Variants in C12orf42 observed in about 807,000 individuals in gnomAD.
C12orf42 encodes chromosome 12 open reading frame 42.
A neutral mutation model predicts 21.6 loss-of-function variants in C12orf42; 25 were observed. That is an observed-to-expected ratio of 1.16 (90% CI 0.84 to 1.62). The LOEUF (loss-of-function observed/expected upper bound fraction) is 1.62. Ranked by LOEUF, C12orf42 falls within the 40% of genes most tolerant of loss-of-function variation. The pLI is 0.00. For synonymous variants in C12orf42, 174 were observed against 175.0 expected (o/e 0.99, Z 0.05); for missense variants, 483 against 459.3 (o/e 1.05, Z -0.47).
intron 4 of C12orf42, among the ~76,000 whole-genome samples, chr12:103,358,362 C>A (rs993595509): frequency 2.6e-5 from 4 of 151,880 alleles, no homozygotes; most frequent in Admixed American, 2.6e-4. Context: ...AGAGAGATCC[C>A]AGGGATATGA....
the C12orf42 span, among the ~76,000 whole-genome samples, chr12:103,526,400 T>C: frequency 1.3e-5 from 2 of 152,206 alleles, no homozygotes; most frequent in African/African-American, 4.8e-5. Flanking sequence ...TGGTTTTAGT[T>C]GATAGAGTGA....
intron 2 of C12orf42, among the ~76,000 whole-genome samples, chr12:103,411,386 A>G (rs1381469128): frequency 6.6e-6 from 1 of 152,152 alleles, no homozygotes; most frequent in South Asian, 2.1e-4. Context: ...TTTTCATTTG[A>G]TATAATGTTG....
the C12orf42 span, among the ~76,000 whole-genome samples, chr12:103,560,641 ACTAT>A: frequency 3.1e-4 from 47 of 152,300 alleles, 1 homozygote; most frequent in African/African-American, 1.1e-3. Flanking sequence ...AGAAACAGCC[ACTAT>A]CTGTTTCAGT....
At chr12:103,198,583 G>A in the C12orf42 span, among the ~76,000 whole-genome samples, 2,276 of 152,338 alleles carry the variant, frequency 0.015, 69 homozygotes, top group African/African-American at 0.05. Flanking sequence ...TGCACAGGCT[G>A]TAGTCCTGTC....
chr12:103,301,849 C>T (rs530419647), downstream of C12orf42: 240 of 445,496 alleles, frequency 5.4e-4, no homozygotes, highest in Middle Eastern at 3.5e-3. Context: ...ACGCGATGTA[C>T]CCCATCCCTA....
chr12:103,132,160 T>G, the C12orf42 span, among the ~76,000 whole-genome samples: 2 of 152,158 alleles, frequency 1.3e-5, no homozygotes, highest in Non-Finnish European at 2.9e-5. Flanking sequence ...GCTAGAGGCA[T>G]CTGGTAGGCA....
chr12:103,498,022 G>A (rs552460955), upstream of C12orf42, among the ~76,000 whole-genome samples: 3 of 151,250 alleles, frequency 2.0e-5, no homozygotes, highest in South Asian at 4.2e-4. Context: ...GTGACAGAGC[G>A]AGACTCCATC....
At chr12:103,550,309 G>A in the C12orf42 span, among the ~76,000 whole-genome samples, 1 of 152,090 alleles carries the variant, frequency 6.6e-6, no homozygotes, top group Non-Finnish European at 1.5e-5. Flanking sequence ...GGGGTCCTAA[G>A]TTTTGAGTGG....
intron 10 of C12orf42, among the ~76,000 whole-genome samples, chr12:103,260,072 G>A (rs1280182650): frequency 6.6e-6 from 1 of 152,006 alleles, no homozygotes; most frequent in Non-Finnish European, 1.5e-5. Context: ...AATTGAACTA[G>A]TACATTTTCA....
At chr12:103,143,354 G>T in the C12orf42 span, among the ~76,000 whole-genome samples, 1 of 152,222 alleles carries the variant, frequency 6.6e-6, no homozygotes. Flanking sequence ...AAATCTGGCA[G>T]AGGATCTGGA....
intron 4 of C12orf42, among the ~76,000 whole-genome samples, chr12:103,282,427 G>A (rs59704808): frequency 0.025 from 3,873 of 152,248 alleles, 140 homozygotes; most frequent in African/African-American, 0.085. Flanking sequence ...GTTTAGATAT[G>A]TTTAGATACA....
intron 2 of C12orf42, among the ~76,000 whole-genome samples, chr12:103,418,673 A>C (rs1410553180): frequency 2.0e-5 from 3 of 152,146 alleles, no homozygotes; most frequent in Non-Finnish European, 2.9e-5. Context: ...AACAAGCCCC[A>C]GATCATGAGC....
At chr12:103,149,515 C>G in the C12orf42 span, among the ~76,000 whole-genome samples, 1 of 152,250 alleles carries the variant, frequency 6.6e-6, no homozygotes, top group African/African-American at 2.4e-5. Context: ...CAAATCTTAT[C>G]TTAAATTGCA....
chr12:103,206,777 G>A, the C12orf42 span, among the ~76,000 whole-genome samples: 26 of 152,132 alleles, frequency 1.7e-4, no homozygotes, highest in South Asian at 4.4e-3. Flanking sequence ...TGATACATAC[G>A]TTTCATCCAG....
intron 1 of C12orf42, among the ~76,000 whole-genome samples, chr12:103,494,963 A>G (rs1241154435): frequency 6.6e-6 from 1 of 152,182 alleles, no homozygotes; most frequent in African/African-American, 2.4e-5. Flanking sequence ...GAAGCTGCCT[A>G]AAAGATCCTG....
chr12:103,167,635 C>T, the C12orf42 span, among the ~76,000 whole-genome samples: 1 of 152,136 alleles, frequency 6.6e-6, no homozygotes, highest in African/African-American at 2.4e-5. Context: ...CCAAAATCTC[C>T]TCTTGCATTT....
chr12:103,338,266 C>T (rs2041889529), intron 4 of C12orf42, among the ~76,000 whole-genome samples: 1 of 152,242 alleles, frequency 6.6e-6, no homozygotes, highest in South Asian at 2.1e-4. Context: ...CACCACCTCT[C>T]TCAAAGCTTT....
chr12:103,363,404 C>A (rs1435915342), intron 4 of C12orf42, among the ~76,000 whole-genome samples: 1 of 152,032 alleles, frequency 6.6e-6, no homozygotes, highest in Non-Finnish European at 1.5e-5. Flanking sequence ...AAGCATAAAT[C>A]TCATAGGAAC....
intron 4 of C12orf42, among the ~76,000 whole-genome samples, chr12:103,359,144 C>T (rs1457775151): frequency 4.6e-5 from 7 of 152,036 alleles, no homozygotes; most frequent in Non-Finnish European, 8.8e-5. Flanking sequence ...TCTTAAATGG[C>T]CCCAATCCTC....
Sources: gnomAD v4.1 joint callset for allele counts (sites outside exome capture counted in the v4.1 genomes callset) on GRCh38, gnomAD v4.1.1 for gene constraint, MANE v1.5 for transcripts, NCBI Gene and HGNC (gene_info 2026-07-23, HGNC 2026-07-21) for gene names.